The following EXTL3 variants were observed in gnomAD, a reference collection of about 807,000 sequenced individuals.
The protein encoded by EXTL3 is exostosin-like 3.
EXTL3 carries 27 observed loss-of-function variants against 69.3 expected under a neutral mutation model. That is an observed-to-expected ratio of 0.39 (90% CI 0.29 to 0.54). The LOEUF is 0.54. EXTL3 is among the 20% of genes least tolerant of loss of function. The probability of loss-of-function intolerance (pLI) is 0.69; values close to 1 mark genes in which losing one functional copy is unlikely to be tolerated. For synonymous variants in EXTL3, 511 were observed against 499.4 expected, an observed-to-expected ratio of 1.02 and a Z score of -0.31; for missense variants, 1,003 against 1,231.8, an observed-to-expected ratio of 0.81 and a Z score of 2.78.
upstream of EXTL3, among the ~76,000 whole-genome samples, chr8:28,619,190 A>G (rs1806370469): frequency 7.1e-6 from 1 of 140,698 alleles, no homozygotes. Context: ...AGGAGACCAT[A>G]TGTCCTTCTC....
chr8:28,716,533 A>G lies in EXTL3; in HGVS notation c.474A>G (p.Arg158=). Residue 158 remains arginine (R), a synonymous_variant, in exon 3 of 7, where the codon CGA becomes CGG. Transcript: ENST00000220562. The surrounding 1 kb of genome is among the most constrained non-coding windows in gnomAD (Gnocchi z 7.1). ...AGCCCAAGCTGTCCCTGCCCATCCG[A>G]CTGCTCCCAGAGAAGGACGATGCCG... The part of the protein sequence containing the change: ...QNQPKLSLPI[R]LLPEKDDAGL... The G allele has an allele frequency of 6.2e-7, 1 of 1,614,042 alleles. No homozygotes were observed. Among genetic ancestry groups the G allele is most frequent in the Non-Finnish European group, 8.5e-7 (1 of 1,180,010 alleles).
Position 28,754,791 on chromosome 8 carries a change from G to A in EXTL3, c.*3925G>A, listed in dbSNP as rs1802082464. The A allele has an allele frequency of 1.3e-5, 2 of 152,292 alleles. No individual in the cohort carries two copies. Among genetic ancestry groups the A allele is most frequent in the African/African-American group, 4.8e-5 (2 of 41,454 alleles). 9.4% of individuals were successfully genotyped at this position (152,292 alleles called of 1,614,324 possible). A position where few individuals can be genotyped will look rare whatever the true frequency, so the allele number is the denominator to read the frequency against. ...TGTTAAGAAGAATGTTGATGGTGGTGTGTGGTGCCTAACATCTTAATCTCA... is the reference window on the plus strand; with the variant it reads ...TGTTAAGAAGAATGTTGATGGTGGTATGTGGTGCCTAACATCTTAATCTCA... On this transcript the variant is annotated 3_prime_UTR_variant, in exon 7 of 7. Transcript: ENST00000220562.
intron 2 of EXTL3, among the ~76,000 whole-genome samples, chr8:28,610,215 ATG>A (rs367793242): frequency 0.01 from 1,541 of 149,090 alleles, 19 homozygotes; most frequent in African/African-American, 0.03. Context: ...AAATATGTAT[ATG>A]TGTGTGTGTG....
chr8:28,710,655 C>T (rs1003225259), intron 1 of EXTL3, among the ~76,000 whole-genome samples: 2 of 148,998 alleles, frequency 1.3e-5, no homozygotes, highest in African/African-American at 5.0e-5. Flanking sequence ...CTCTGTCACC[C>T]AGGTGTGATC....
At chr8:28,611,578 G>A (rs1806271605) in intron 2 of EXTL3, among the ~76,000 whole-genome samples, 1 of 152,174 alleles carries the variant, frequency 6.6e-6, no homozygotes, top group African/African-American at 2.4e-5. Flanking sequence ...TAGCTGAAAT[G>A]CTTTAGCTAG....
upstream of EXTL3, among the ~76,000 whole-genome samples, chr8:28,621,797 T>G (rs1451340262): frequency 6.6e-6 from 1 of 152,232 alleles, no homozygotes; most frequent in Non-Finnish European, 1.5e-5. Context: ...CTGCTTCTTC[T>G]GTTTGTGGAC....
intron 3 of EXTL3, among the ~76,000 whole-genome samples, chr8:28,719,697 T>G (rs1395611880): frequency 6.6e-6 from 1 of 152,246 alleles, no homozygotes; most frequent in Non-Finnish European, 1.5e-5. Context: ...TTTTTCTTTC[T>G]GTTACAACTT....
chr8:28,617,038 G>C (rs979611136), intron 2 of EXTL3, among the ~76,000 whole-genome samples: 2 of 152,208 alleles, frequency 1.3e-5, no homozygotes, highest in Admixed American at 6.5e-5. Flanking sequence ...TTCCTGTTAA[G>C]AGTGTCTTAG....
At chr8:28,710,384 G>A in intron 1 of EXTL3, 1 of 442,522 alleles carries the variant, frequency 2.3e-6, no homozygotes, top group African/African-American at 2.0e-5. Context: ...TGGTGAAAAG[G>A]GGTCAGAGAA....
At chr8:28,612,726 CT>C (rs528090214) in intron 2 of EXTL3, among the ~76,000 whole-genome samples, 76 of 146,812 alleles carry the variant, frequency 5.2e-4, no homozygotes, top group East Asian at 7.9e-4. Flanking sequence ...CACAAATTGA[CT>C]TTTTTTTTTT....
At chr8:28,630,806 T>A (rs1257416258) in intron 1 of EXTL3, among the ~76,000 whole-genome samples, 1 of 152,064 alleles carries the variant, frequency 6.6e-6, no homozygotes, top group East Asian at 1.9e-4. Context: ...GACAAGTGGG[T>A]GAGGTGTCAA....
At chr8:28,660,435 A>G (rs111644116) in intron 1 of EXTL3, among the ~76,000 whole-genome samples, 6 of 152,304 alleles carry the variant, frequency 3.9e-5, no homozygotes, top group South Asian at 2.1e-4. Context: ...TCATACAAAC[A>G]TACACATACT....
chr8:28,729,163 T>TA (rs1310271746), intron 3 of EXTL3, among the ~76,000 whole-genome samples: 1 of 151,376 alleles, frequency 6.6e-6, no homozygotes, highest in Non-Finnish European at 1.5e-5. Flanking sequence ...GGCATGGTGG[T>TA]ATCTGCTTGT....
In EXTL3 at chr8:28,715,800, C is replaced by T; in HGVS notation, c.-260C>T. On this transcript the variant is annotated 5_prime_UTR_variant, in exon 3 of 7. Coordinates refer to ENST00000220562, the MANE Select transcript of EXTL3 (RefSeq NM_001440.4). ...CCCTTTCATCTCAGCAAGAATGTGGCACCTTTTATCGTTTGATAAAGATTA... is the reference window on the plus strand; with the variant it reads ...CCCTTTCATCTCAGCAAGAATGTGGTACCTTTTATCGTTTGATAAAGATTA... 1 of 483,968 alleles carries T rather than the reference C, an allele frequency of 2.1e-6. No homozygotes were observed. The highest frequency in any genetic ancestry group is 3.7e-6 in the Non-Finnish European group (1 of 272,738). 30.0% of individuals were successfully genotyped at this position (483,968 alleles called of 1,614,324 possible). A position where few individuals can be genotyped will look rare whatever the true frequency, so the allele number is the denominator to read the frequency against.
intron 1 of EXTL3, among the ~76,000 whole-genome samples, chr8:28,657,043 C>T (rs1395633963): frequency 1.3e-5 from 2 of 151,950 alleles, no homozygotes; most frequent in Non-Finnish European, 1.5e-5. Flanking sequence ...GTGATTCTTC[C>T]ACCTCAGCCT....
chr8:28,673,970 A>G (rs1053570754), intron 1 of EXTL3, among the ~76,000 whole-genome samples: 2 of 152,254 alleles, frequency 1.3e-5, no homozygotes, highest in Non-Finnish European at 2.9e-5. Flanking sequence ...CTAATAGTCC[A>G]TAACGTGAGC....
At chr8:28,640,347 A>G (rs1341915737) in intron 1 of EXTL3, among the ~76,000 whole-genome samples, 1 of 152,158 alleles carries the variant, frequency 6.6e-6, no homozygotes, top group East Asian at 1.9e-4. Flanking sequence ...CTTTCTCTTT[A>G]TTTATGTGCT....
At chr8:28,720,324 G>C (rs975962144) in intron 3 of EXTL3, among the ~76,000 whole-genome samples, 1 of 152,078 alleles carries the variant, frequency 6.6e-6, no homozygotes, top group East Asian at 1.9e-4. Flanking sequence ...TTAGCACCAG[G>C]GTTGTTCCCA....
intron 1 of EXTL3, among the ~76,000 whole-genome samples, chr8:28,691,914 T>C (rs1585253676): frequency 6.6e-6 from 1 of 152,082 alleles, no homozygotes; most frequent in African/African-American, 2.4e-5. Context: ...TAAAAAAATT[T>C]AGATATTTAT....
Sources: allele counts gnomAD v4.1 joint callset (sites outside exome capture counted in the v4.1 genomes callset), GRCh38; gene constraint gnomAD v4.1.1; non-coding constraint Gnocchi (gnomAD v3.1); transcripts MANE v1.5; gene names NCBI Gene and HGNC (gene_info 2026-07-23, HGNC 2026-07-21).